The following MACC1 variants were observed in gnomAD, a reference collection of about 807,000 sequenced individuals.
MACC1 encodes the protein metastasis-associated in colon cancer protein 1.
In MACC1, 79 loss-of-function variants were observed where a neutral mutation model predicts 70.7. That is an observed-to-expected ratio of 1.12 (90% CI 0.93 to 1.35). The LOEUF is 1.35. MACC1 is among the 40% of genes most tolerant of loss of function. The probability of loss-of-function intolerance (pLI) is 0.00; values close to 1 mark genes in which losing one functional copy is unlikely to be tolerated. For missense variants in MACC1, 1,106 were observed against 978.1 expected (o/e 1.13, Z -1.74); for synonymous variants, 361 against 347.2 (o/e 1.04, Z -0.44).
chr7:20,200,866 A>G (rs756133433), intron 1 of MACC1, among the ~76,000 whole-genome samples: 175 of 152,324 alleles, frequency 1.1e-3, no homozygotes, highest in Non-Finnish European at 1.9e-3. Flanking sequence ...CCATTCTGAC[A>G]GGTCAAGTGT....
chr7:20,156,661 T>C (rs565490036), intron 5 of MACC1, among the ~76,000 whole-genome samples: 34 of 152,272 alleles, frequency 2.2e-4, no homozygotes, highest in African/African-American at 7.5e-4. Flanking sequence ...CAGCACACCA[T>C]AAAAAATCTA....
intron 6 of MACC1, among the ~76,000 whole-genome samples, chr7:20,151,602 G>A (rs1278731411): frequency 6.6e-6 from 1 of 152,172 alleles, no homozygotes; most frequent in Non-Finnish European, 1.5e-5. Context: ...TTTCAAAAGT[G>A]ACATTCTCAA....
At chr7:20,184,696 C>T (rs575275592) in intron 1 of MACC1, among the ~76,000 whole-genome samples, 1 of 152,058 alleles carries the variant, frequency 6.6e-6, no homozygotes, top group African/African-American at 2.4e-5. Flanking sequence ...TTTTGTCTGC[C>T]GAAATATTTT....
At chr7:20,157,518 T>C (rs1782071709) in intron 5 of MACC1, among the ~76,000 whole-genome samples, 2 of 151,388 alleles carry the variant, frequency 1.3e-5, no homozygotes, top group Non-Finnish European at 2.9e-5. Flanking sequence ...GTGTGGTGGC[T>C]CATGGCTGTA....
intron 1 of MACC1, among the ~76,000 whole-genome samples, chr7:20,191,259 A>C (rs376019666): frequency 6.2e-4 from 94 of 152,336 alleles, no homozygotes; most frequent in African/African-American, 2.0e-3. Context: ...CCAGGGCCAG[A>C]GAAACAAAAG....
At chr7:20,167,380 G>C (rs1782236621) in intron 2 of MACC1, among the ~76,000 whole-genome samples, 1 of 151,728 alleles carries the variant, frequency 6.6e-6, no homozygotes, top group Non-Finnish European at 1.5e-5. Flanking sequence ...TATTTTAGTA[G>C]AGATGGGGTT....
At chr7:20,141,713 T>C (rs1183257627) in intron 6 of MACC1, among the ~76,000 whole-genome samples, 1 of 152,192 alleles carries the variant, frequency 6.6e-6, no homozygotes, top group Non-Finnish European at 1.5e-5. Context: ...TATTTCATGA[T>C]ATATTTTATC....
At chr7:20,189,752 C>CACAT (rs1263572820) in intron 1 of MACC1, among the ~76,000 whole-genome samples, 2 of 148,218 alleles carry the variant, frequency 1.3e-5, no homozygotes, top group African/African-American at 4.9e-5. Flanking sequence ...AACACATAAA[C>CACAT]ACACACACAC....
chr7:20,161,850 C>T lies in MACC1; in HGVS notation c.13G>A (p.Glu5Lys). 2 of 1,608,586 alleles carry T rather than the reference C, an allele frequency of 1.2e-6. No individual in the cohort carries two copies. The highest frequency in any genetic ancestry group is 1.7e-6 in the Non-Finnish European group (2 of 1,175,470). The change falls in exon 4 of 7, where the codon GAA becomes AAA. Residue 5 changes from glutamate to lysine, a missense_variant. By Grantham distance (56) the Glu-to-Lys change is moderately conservative. Coordinates refer to ENST00000400331, the MANE Select transcript of MACC1 (RefSeq NM_182762.4). MLIT[E>K]RKHFRSGRIA... ...CTTCCTGACCGAAAATGTTTTCTTT[C>T]AGTGATTAGCATTTTTCCACCTACA...
chr7:20,154,750 T>C (rs1300732138), intron 5 of MACC1, among the ~76,000 whole-genome samples: 1 of 152,184 alleles, frequency 6.6e-6, no homozygotes, highest in Non-Finnish European at 1.5e-5. Flanking sequence ...ACTCTAGGAT[T>C]AGTTATTTAC....
At chr7:20,199,260 A>G (rs1360709270) in intron 1 of MACC1, among the ~76,000 whole-genome samples, 2 of 152,244 alleles carry the variant, frequency 1.3e-5, no homozygotes, top group East Asian at 3.8e-4. Flanking sequence ...AGAAGGAAAA[A>G]TTATTAGCTA....
At chr7:20,146,038 GT>G (rs1781885567) in intron 6 of MACC1, among the ~76,000 whole-genome samples, 2 of 151,726 alleles carry the variant, frequency 1.3e-5, no homozygotes, top group Non-Finnish European at 2.9e-5. Context: ...GCACGCGCCT[GT>G]AGTCCCAGCT....
At chr7:20,193,089 A>G (rs1272735888) in intron 1 of MACC1, among the ~76,000 whole-genome samples, 2 of 152,210 alleles carry the variant, frequency 1.3e-5, no homozygotes, top group East Asian at 3.8e-4. Context: ...CCCAGAAGGT[A>G]TACAATAATA....
At chr7:20,186,872 G>C (rs1363467440) in intron 1 of MACC1, among the ~76,000 whole-genome samples, 2 of 152,158 alleles carry the variant, frequency 1.3e-5, no homozygotes, top group African/African-American at 4.8e-5. Flanking sequence ...CTTGACGAAA[G>C]TATTTAACAG....
chr7:20,199,525 C>T (rs1450420871), intron 1 of MACC1, among the ~76,000 whole-genome samples: 4 of 152,228 alleles, frequency 2.6e-5, no homozygotes, highest in Non-Finnish European at 5.9e-5. Flanking sequence ...TGAAACCAAC[C>T]TGCCCTCTCC....
chr7:20,159,207 G>A lies in MACC1; in HGVS notation c.1154C>T (p.Thr385Ile). The A allele has an allele frequency of 6.2e-7, 1 of 1,613,980 alleles. No homozygotes were observed. Among genetic ancestry groups the A allele is most frequent in the Non-Finnish European group, 8.5e-7 (1 of 1,180,000 alleles). The part of the protein sequence containing the change: ...YGPKYIHPSF[T>I]VVLTVCGHNY... ...GTGTCCACAAACTGTTAAAACAACA[G>A]TAAAACTGGGATGGATATATTTGGG... Residue 385 changes from threonine (T) to isoleucine (I), a missense_variant, in exon 5 of 7, where the codon ACT becomes ATT. By Grantham distance (89) the Thr-to-Ile change is moderately conservative (BLOSUM62 -1). Coordinates refer to ENST00000400331, the MANE Select transcript of MACC1 (RefSeq NM_182762.4).
chr7:20,196,551 T>A (rs1207267757), intron 1 of MACC1, among the ~76,000 whole-genome samples: 1 of 152,076 alleles, frequency 6.6e-6, no homozygotes, highest in Non-Finnish European at 1.5e-5. Flanking sequence ...AGATAGTGTA[T>A]AAATTTATAA....
chr7:20,208,321 G>C (rs1782944398), intron 1 of MACC1, among the ~76,000 whole-genome samples: 1 of 152,194 alleles, frequency 6.6e-6, no homozygotes, highest in Non-Finnish European at 1.5e-5. Context: ...GGGCTCAGAG[G>C]AAGACAGGAA....
chr7:20,143,180 C>T (rs1046158410), intron 6 of MACC1, among the ~76,000 whole-genome samples: 1 of 152,172 alleles, frequency 6.6e-6, no homozygotes, highest in Non-Finnish European at 1.5e-5. Context: ...TGCGGCAGGA[C>T]TGTGAATTGC....
Sources: allele counts gnomAD v4.1 joint callset (sites outside exome capture counted in the v4.1 genomes callset), GRCh38; gene constraint gnomAD v4.1.1; transcripts MANE v1.5; gene names NCBI Gene and HGNC (gene_info 2026-07-23, HGNC 2026-07-21).